The following FLT4 variants were observed in gnomAD, a reference collection of about 807,000 sequenced individuals.
The protein encoded by FLT4 is fms related receptor tyrosine kinase 4, also known as vascular endothelial growth factor receptor 3.
FLT4 carries 30 observed loss-of-function variants against 163.2 expected under a neutral mutation model. That is an observed-to-expected ratio of 0.18 (90% CI 0.14 to 0.25). The LOEUF is 0.25. Ranked by LOEUF, FLT4 falls within the 10% of genes least tolerant of loss-of-function variation. FLT4 has a pLI of 1.00. For missense variants in FLT4, 1,510 were observed against 1,863.8 expected, an observed-to-expected ratio of 0.81 and a Z score of 3.50; for synonymous variants, 884 against 789.5, an observed-to-expected ratio of 1.12 and a Z score of -2.01.
At chr5:180,609,088 G>A (rs757568761) in intron 28 of FLT4, 35 bp from the exon 29 acceptor site, 10 of 1,583,930 alleles carry the variant, frequency 6.3e-6, no homozygotes, top group Middle Eastern at 1.7e-4. Flanking sequence ...TGTGGGTCCC[G>A]CCTGAGGCCC....
intron 1 of FLT4, among the ~76,000 whole-genome samples, chr5:180,640,348 T>G (rs2127860741): frequency 6.6e-6 from 1 of 152,364 alleles, no homozygotes; most frequent in South Asian, 2.1e-4. Flanking sequence ...GAGCCCAGTC[T>G]GGCTGAGTCC....
chr5:180,618,875 G>T lies in FLT4; in HGVS notation c.2896C>A (p.Leu966Ile). 2 of 1,587,676 alleles carry T rather than the reference G, an allele frequency of 1.3e-6. No homozygotes were observed. Reference sequence around the variant, plus strand: ...GGCCGCCTCCGATCCAGCCTGGCGAGCTCCACCATGGCGCGGAAGCGTCCG... The same window carrying T: ...GGCCGCCTCCGATCCAGCCTGGCGATCTCCACCATGGCGCGGAAGCGTCCG... ...QRGRFRAMVELARLDRRRPGS... is the reference protein window; with the variant it reads ...QRGRFRAMVEIARLDRRRPGS... The change falls in exon 21 of 30, where the codon CTC becomes ATC. Residue 966 changes from leucine (L) to isoleucine (I), a missense_variant. Physicochemically the swap from Leu to Ile is conservative, Grantham distance 5. Around this residue, in one of 5 missense-constraint regions of FLT4, gnomAD observed 878 missense variants for 1,016.7 expected, o/e 0.86. Transcript: ENST00000261937.
In FLT4 at chr5:180,602,942, A is replaced by AT; in HGVS notation, c.*249dup. The AT allele has an allele frequency of 1.7e-6, 1 of 597,270 alleles. No homozygotes were observed. Among genetic ancestry groups the AT allele is most frequent in the East Asian group, 2.8e-5 (1 of 36,146 alleles). The allele number at this position is 597,270 out of a possible 1,614,324, so 37.0% of individuals were successfully genotyped here. A position where few individuals can be genotyped will look rare whatever the true frequency, so the allele number is the denominator to read the frequency against. ...CCAGCACCTGCGGATGCTGAACTAA[A>AT]TGACATCTGAATCTCAGGGGGAGGG... On this transcript the variant is annotated 3_prime_UTR_variant, in exon 30 of 30. Coordinates refer to ENST00000261937, the MANE Select transcript of FLT4 (RefSeq NM_182925.5).
chr5:180,609,075 G>T (rs1273911829), intron 28 of FLT4, 22 bp from the exon 29 acceptor site: 1 of 1,609,232 alleles, frequency 6.2e-7, no homozygotes, highest in South Asian at 1.1e-5. Context: ...GGACAAGCCA[G>T]GCTGTGGGTC....
intron 11 of FLT4, 95 bp from the exon 12 acceptor site, chr5:180,622,934 C>G (rs992636468): frequency 2.7e-5 from 21 of 789,114 alleles, no homozygotes; most frequent in African/African-American, 1.2e-4. Flanking sequence ...CACCACCCCC[C>G]CCAATCATGG....
chr5:180,613,461 C>T (rs1024597073), intron 24 of FLT4: 3 of 286,772 alleles, frequency 1.0e-5, no homozygotes, highest in African/African-American at 2.2e-5. Flanking sequence ...TCTTGCTTCT[C>T]GCTGCTTCTC....
intron 8 of FLT4, among the ~76,000 whole-genome samples, chr5:180,626,850 C>T (rs1307618866): frequency 1.3e-5 from 2 of 152,228 alleles, no homozygotes; most frequent in Non-Finnish European, 2.9e-5. Flanking sequence ...CTGCCTGCCT[C>T]GCTGGGACAC....
At chr5:180,621,414 A>C in intron 13 of FLT4, 128 bp downstream of exon 13, 1 of 1,454,288 alleles carries the variant, frequency 6.9e-7, no homozygotes, top group Non-Finnish European at 9.3e-7. Context: ...GCGGATAGTC[A>C]GGAGGGGTAG....
rs765151819 is a variant in FLT4 at position 180,613,100 on chromosome 5, C to G, written c.3342G>C (p.Pro1114=). The part of the protein sequence containing the change: ...LWEIFSLGAS[P]YPGVQINEEF... ...CCTCATTGATCTGCACCCCAGGGTA[C>G]GGGGAGGCCCCTGACAACAGGAAGG... Residue 1114 remains proline (P), a synonymous_variant, in exon 25 of 30, where the codon CCG becomes CCC. Transcript: ENST00000261937. The G allele has an allele frequency of 8.1e-6, 13 of 1,612,772 alleles. No individual in the cohort carries two copies. The South Asian group carries it at 1.4e-4, about 18-fold the overall frequency.
chr5:180,616,793 TG>T, intron 22 of FLT4, 106 bp downstream of exon 22: 1 of 945,656 alleles, frequency 1.1e-6, no homozygotes, highest in Non-Finnish European at 1.8e-6. Flanking sequence ...GGAGAGACAC[TG>T]ATGGACCACA....
intron 10 of FLT4, among the ~76,000 whole-genome samples, chr5:180,624,390 C>CTATT (rs1561726088): frequency 1.3e-5 from 2 of 152,132 alleles, no homozygotes; most frequent in Non-Finnish European, 2.9e-5. Context: ...CCACGCCTGG[C>CTATT]TATTTTTTTT....
In FLT4 at chr5:180,623,155, G is replaced by A. The variant is rs368231614; in HGVS notation, c.1549-316C>T. On this transcript the variant is annotated intron_variant, in intron 11 of 29. Coordinates refer to ENST00000261937, the MANE Select transcript of FLT4 (RefSeq NM_182925.5). The surrounding 1 kb of genome is among the most constrained non-coding windows in gnomAD (Gnocchi z 5.8). ...CCTCTGGCCGTGGCTATGTTGAGGG[G>A]GCACCAGCGTCAGTGCAAGCCAGGG... is the stretch of plus-strand genomic sequence containing the variant. 5.9e-5 allele frequency among the ~76,000 whole-genome samples: 9 copies of A among 152,174 alleles called. No homozygotes were observed. Among genetic ancestry groups the A allele is most frequent in the Non-Finnish European group, 1.2e-4 (8 of 68,036 alleles).
At position 180,602,960 on chromosome 5, in the gene FLT4, G is replaced by C. The variant is rs764368874; in HGVS notation, c.*232C>G. 2.2e-5 allele frequency: 13 copies of C among 598,298 alleles called. No individual in the cohort carries two copies. The highest frequency in any genetic ancestry group is 3.3e-5 in the Non-Finnish European group (11 of 335,182). 37.1% of individuals were successfully genotyped at this position (598,298 alleles called of 1,614,324 possible). ...GAACTAAATGACATCTGAATCTCAG[G>C]GGGAGGGGCCGGGGCAGCTGGAGCG... is the stretch of plus-strand genomic sequence containing the variant. On this transcript the variant is annotated 3_prime_UTR_variant, in exon 30 of 30. Coordinates refer to ENST00000261937, the MANE Select transcript of FLT4 (RefSeq NM_182925.5).
At position 180,622,912 on chromosome 5, in the gene FLT4, G is replaced by A. The variant is rs1281045281; in HGVS notation, c.1549-73C>T. The A allele has an allele frequency of 4.0e-6, 4 of 1,005,142 alleles. No homozygotes were observed. The African/African-American group carries it at 5.2e-5, about 13-fold the overall frequency. The allele number at this position is 1,005,142 out of a possible 1,614,324, so 62.3% of individuals were successfully genotyped here. ...AACCTGGGCCCTGTCTTTCTGCAAG[G>A]AGGTCGCTGTGCACCACCCCCCCCA... On this transcript the variant is annotated intron_variant, in intron 11 of 29. Coordinates refer to ENST00000261937, the MANE Select transcript of FLT4 (RefSeq NM_182925.5).
intron 1 of FLT4, among the ~76,000 whole-genome samples, chr5:180,647,555 G>A (rs889004104): frequency 7.9e-5 from 12 of 151,962 alleles, no homozygotes; most frequent in Middle Eastern, 3.4e-3. Context: ...CGGACCAGCT[G>A]CCCTGACACC....
In FLT4 at chr5:180,629,723, G is replaced by A; in HGVS notation, c.789C>T (p.Thr263=). ...GCTTCCCTGGGTAGTCCCAGTCAAA[G>A]GTGACACCTGAGTTAAACTCAGCCC... ...TVWAEFNSGV[T]FDWDYPGKQA... The change falls in exon 6 of 30, where the codon ACC becomes ACT. Residue 263 remains threonine, a synonymous_variant. Coordinates refer to ENST00000261937, the MANE Select transcript of FLT4 (RefSeq NM_182925.5). 1 of 1,611,828 alleles carries A rather than the reference G, an allele frequency of 6.2e-7. No homozygotes were observed. Among genetic ancestry groups the A allele is most frequent in the Non-Finnish European group, 8.5e-7 (1 of 1,179,608 alleles).
At position 180,619,386 on chromosome 5, in the gene FLT4, C is replaced by A. The variant is rs1274190906; in HGVS notation, c.2648-20G>T. 1.6e-5 allele frequency: 25 copies of A among 1,556,216 alleles called. No homozygotes were observed. Among genetic ancestry groups the A allele is most frequent in the Non-Finnish European group, 2.2e-5 (25 of 1,139,250 alleles). ...CGCCCTCTGGAGGGGACACGGGCCT[C>A]ACACCGGCCCCGACCCTGGCAGGTC... On this transcript the variant is annotated intron_variant, in intron 18 of 29. Coordinates refer to ENST00000261937, the MANE Select transcript of FLT4 (RefSeq NM_182925.5).
In FLT4 at chr5:180,623,718, C is replaced by A. The variant is rs1763356439; in HGVS notation, c.1548+217G>T. ...CATGTCAGCTTCCTTGTCTGGGAAG[C>A]CGCCAGAGGTCCGCCCTCCATCACA... On this transcript the variant is annotated intron_variant, in intron 11 of 29. Transcript: ENST00000261937. The surrounding 1 kb of genome is among the most constrained non-coding windows in gnomAD (Gnocchi z 5.8). 6.6e-6 allele frequency among the ~76,000 whole-genome samples: 1 copy of A among 152,222 alleles called. No individual in the cohort carries two copies. The highest frequency in any genetic ancestry group is 2.4e-5 in the African/African-American group (1 of 41,466).
At chr5:180,611,043 C>T (rs113331829) in intron 27 of FLT4, among the ~76,000 whole-genome samples, 1,897 of 152,190 alleles carry the variant, frequency 0.012, 41 homozygotes, top group African/African-American at 0.042. Context: ...GGCGACAGAG[C>T]GAGACTCCGT....
Sources: gnomAD v4.1 joint callset for allele counts (sites outside exome capture counted in the v4.1 genomes callset) on GRCh38, gnomAD v4.1.1 for gene constraint, gnomAD v4.1.1 regional missense constraint, Gnocchi (gnomAD v3.1) non-coding constraint, MANE v1.5 for transcripts, NCBI Gene and HGNC (gene_info 2026-07-23, HGNC 2026-07-21) for gene names.